The following MAP4 variants were observed in gnomAD, a reference collection of about 807,000 sequenced individuals.
The protein encoded by MAP4 is microtubule associated protein 4.
MAP4 carries 76 observed loss-of-function variants against 170.2 expected under a neutral mutation model. The ratio of observed to expected loss-of-function variants is 0.45; its 90% CI spans 0.37 to 0.54. MAP4 has a LOEUF of 0.54. Among genes scored for constraint, MAP4 ranks in the 20% least tolerant of loss-of-function variants. MAP4 has a pLI of 0.00. For missense variants in MAP4, 2,506 were observed against 2,748.0 expected (o/e 0.91, Z 1.97); for synonymous variants, 909 against 994.5 (o/e 0.91, Z 1.62).
rs984748237 is a variant in MAP4 at position 48,075,299 on chromosome 3, C to G, written c.-20+13474G>C. Among the ~76,000 whole-genome samples the G allele has an allele frequency of 2.0e-5, 3 of 151,968 alleles. No individual in the cohort carries two copies. The East Asian group carries it at 5.8e-4, about 29-fold the overall frequency. On this transcript the variant is annotated intron_variant, in intron 1 of 18. Coordinates refer to the MAP4 transcript ENST00000360240. ...CAGAACTTTGGGAGGCCGAGTCAGG[C>G]GGATCACTTGAGGTCAGGAGTTCAA...
rs1329066184 is a variant in MAP4 at position 47,920,514 on chromosome 3, A to T, written c.529+1251T>A. 3.5e-5 allele frequency among the ~76,000 whole-genome samples: 5 copies of T among 141,838 alleles called. No individual in the cohort carries two copies. The South Asian group carries it at 7.0e-4, about 20-fold the overall frequency. The allele number at this position is 141,838 out of a possible 152,430, so 93.1% of individuals were successfully genotyped here. ...CGCCTTGGCCTCCCAAAGTGCTGGG[A>T]TTACGGGCGTGTGCCACTGCACCCA... On this transcript the variant is annotated intron_variant, in intron 5 of 20. Transcript: ENST00000683076.
At chr3:47,996,330 C>T (rs923301586) in intron 2 of MAP4, among the ~76,000 whole-genome samples, 27 of 152,230 alleles carry the variant, frequency 1.8e-4, no homozygotes, top group Non-Finnish European at 3.7e-4. Flanking sequence ...AGGATAATAA[C>T]GTTGAGAAAG....
chr3:47,894,588 A>T (rs1373302850), intron 10 of MAP4, among the ~76,000 whole-genome samples: 1 of 136,468 alleles, frequency 7.3e-6, no homozygotes, highest in Non-Finnish European at 1.7e-5. Flanking sequence ...GTCTCAAAAA[A>T]TAAAAAAAAA....
At chr3:47,893,798 C>T (rs2100025357) in intron 10 of MAP4, among the ~76,000 whole-genome samples, 2 of 148,672 alleles carry the variant, frequency 1.3e-5, no homozygotes, top group African/African-American at 2.5e-5. Context: ...TTGCCATAAA[C>T]TGCAATGATT....
chr3:47,882,632 G>T (rs2096936874), intron 10 of MAP4, among the ~76,000 whole-genome samples: 1 of 152,040 alleles, frequency 6.6e-6, no homozygotes, highest in Admixed American at 6.6e-5. Flanking sequence ...TAGAGATGGG[G>T]TCTCACTGTG....
chr3:47,891,115 T>C (rs2100023686), intron 10 of MAP4: 1 of 1,536,450 alleles, frequency 6.5e-7, no homozygotes, highest in Non-Finnish European at 8.7e-7. Flanking sequence ...CCGTCTGTCC[T>C]GGCTGTTTCT....
chr3:47,865,791 G>A (rs758796641), intron 17 of MAP4, among the ~76,000 whole-genome samples: 5 of 152,198 alleles, frequency 3.3e-5, no homozygotes, highest in South Asian at 4.1e-4. Context: ...TGTACATGGC[G>A]GCTTCTGGTG....
intron 1 of MAP4, among the ~76,000 whole-genome samples, chr3:48,045,715 C>T (rs1422062852): frequency 2.6e-5 from 4 of 152,190 alleles, no homozygotes; most frequent in Non-Finnish European, 5.9e-5. Flanking sequence ...ACATTCTTCT[C>T]ATCATACAAT....
rs115966968 is a variant in MAP4 at position 47,860,487 on chromosome 3, T to C, written c.6502-2975A>G. ...TGGATTACAAGTGTGAGCCACTGCA[T>C]CGGCCAGGGCCACAGATTTCTAGAC... On this transcript the variant is annotated intron_variant, in intron 17 of 20. Coordinates refer to ENST00000683076, the MANE Select transcript of MAP4 (RefSeq NM_001385682.1). Among the ~76,000 whole-genome samples, 634 of 152,318 alleles carry C rather than the reference T, an allele frequency of 4.2e-3. 7 individuals carry two copies. The highest frequency in any genetic ancestry group is 0.015 in the African/African-American group (612 of 41,566).
intron 3 of MAP4, among the ~76,000 whole-genome samples, chr3:47,951,131 G>C (rs1311249323): frequency 6.6e-6 from 1 of 152,074 alleles, no homozygotes; most frequent in African/African-American, 2.4e-5. Flanking sequence ...ACATTCTTTT[G>C]ACTCTAAAGA....
rs545124269 is a variant in MAP4, at chr3:48,073,238, G to A, written c.-20+15535C>T. Among the ~76,000 whole-genome samples the A allele has an allele frequency of 2.7e-3, 384 of 141,466 alleles. 3 individuals are homozygous for A. The highest frequency in any genetic ancestry group is 7.8e-3 in the Middle Eastern group (2 of 256). 92.8% of individuals were successfully genotyped at this position (141,466 alleles called of 152,430 possible). On this transcript the variant is annotated intron_variant, in intron 1 of 18. Transcript: ENST00000360240. ...ATAATCATAATTTTAAAACAATATG[G>A]AAATCCAAAGGAATACACACACACA...
At chr3:47,886,076 T>A (rs1034217296) in intron 10 of MAP4, among the ~76,000 whole-genome samples, 4 of 152,194 alleles carry the variant, frequency 2.6e-5, no homozygotes, top group African/African-American at 9.6e-5. Flanking sequence ...CTTGTGTAAC[T>A]AGCTGCCACT....
At chr3:47,993,891 A>G (rs2100093840) in intron 2 of MAP4, among the ~76,000 whole-genome samples, 4 of 152,252 alleles carry the variant, frequency 2.6e-5, no homozygotes, top group Admixed American at 2.6e-4. Flanking sequence ...TTTAGCAGAA[A>G]AACAGCCAGG....
intron 17 of MAP4, 87 bp from the exon 18 acceptor site, chr3:47,857,599 T>A: frequency 1.1e-6 from 1 of 895,938 alleles, no homozygotes; most frequent in Non-Finnish European, 1.8e-6. Flanking sequence ...CTTCTCCATG[T>A]TCAGGGTTTC....
chr3:48,024,652 G>A (rs1039785677), intron 1 of MAP4, among the ~76,000 whole-genome samples: 2 of 152,162 alleles, frequency 1.3e-5, no homozygotes, highest in African/African-American at 2.4e-5. Context: ...ACACTATGAC[G>A]TGAGCAAGAA....
chr3:47,939,736 C>T (rs545950237), intron 3 of MAP4, among the ~76,000 whole-genome samples: 139 of 150,670 alleles, frequency 9.2e-4, no homozygotes, highest in African/African-American at 3.3e-3. Flanking sequence ...AAACAACCAC[C>T]TCTTGATCAA....
At chr3:47,915,743 C>A (rs117200104) in intron 7 of MAP4, among the ~76,000 whole-genome samples, 2 of 152,212 alleles carry the variant, frequency 1.3e-5, no homozygotes, top group East Asian at 1.9e-4. Context: ...AAAAACAGGA[C>A]AATCAGCAGA....
At chr3:47,881,913 T>C (rs2096833193) in intron 10 of MAP4, among the ~76,000 whole-genome samples, 1 of 152,178 alleles carries the variant, frequency 6.6e-6, no homozygotes, top group Non-Finnish European at 1.5e-5. Context: ...CTTGAGTCAT[T>C]TTTTAAAAAT....
intron 4 of MAP4, among the ~76,000 whole-genome samples, chr3:47,924,713 C>G (rs905629831): frequency 2.0e-5 from 3 of 152,068 alleles, no homozygotes; most frequent in African/African-American, 7.2e-5. Flanking sequence ...CTTACGTGGC[C>G]GTTGAATGGA....
Sources: gnomAD v4.1 joint callset for allele counts (sites outside exome capture counted in the v4.1 genomes callset) on GRCh38, gnomAD v4.1.1 for gene constraint, MANE v1.5 for transcripts, NCBI Gene and HGNC (gene_info 2026-07-23, HGNC 2026-07-21) for gene names.